The following MICOS10 variants were observed in gnomAD, a reference collection of about 807,000 sequenced individuals.
MICOS10 encodes the protein mitochondrial contact site and cristae organizing system subunit 10.
In MICOS10, 5 loss-of-function variants were observed where a neutral mutation model predicts 13.4. The ratio of observed to expected loss-of-function variants is 0.37; its 90% CI spans 0.20 to 0.78. The LOEUF is 0.78. Among genes scored for constraint, MICOS10 ranks in the 30% least tolerant of loss-of-function variants. The pLI is 0.47. For missense variants in MICOS10, 101 were observed against 94.6 expected, an observed-to-expected ratio of 1.07 and a Z score of -0.28; for synonymous variants, 35 against 33.6, an observed-to-expected ratio of 1.04 and a Z score of -0.15.
chr1:19,617,917 A>G (rs1221854202), intron 1 of MICOS10, among the ~76,000 whole-genome samples: 1 of 151,802 alleles, frequency 6.6e-6, no homozygotes, highest in Non-Finnish European at 1.5e-5. Context: ...ATATATATAT[A>G]TGTATATATA....
In MICOS10 at chr1:19,626,454, C is replaced by T. The variant is rs1481724415; in HGVS notation, c.*53C>T. On this transcript the variant is annotated 3_prime_UTR_variant, in exon 4 of 4. Coordinates refer to ENST00000322753, the MANE Select transcript of MICOS10 (RefSeq NM_001032363.4). ...GACAAGAGAAATCATGTTTATTCCT[C>T]AGGAATACTGAAGTGCCCTGGAGTA... 6.3e-7 allele frequency: 1 copy of T among 1,595,488 alleles called. No individual in the cohort carries two copies. The highest frequency in any genetic ancestry group is 1.1e-5 in the South Asian group (1 of 90,422).
chr1:19,610,692 C>T lies in MICOS10; in HGVS notation c.65-11408C>T, dbSNP rs561731221. Among the ~76,000 whole-genome samples, 121 of 152,064 alleles carry T rather than the reference C, an allele frequency of 8.0e-4. 1 individual carries two copies. The highest frequency in any genetic ancestry group is 3.4e-4 in the Non-Finnish European group (23 of 68,002). On this transcript the variant is annotated intron_variant, in intron 1 of 3. Transcript: ENST00000322753. ...TATTGTAACACTCTGACATAATTGT[C>T]GACAGATTTGTAGACTTACCTTACT...
intron 1 of MICOS10, among the ~76,000 whole-genome samples, chr1:19,600,482 T>C (rs1168912095): frequency 1.3e-5 from 2 of 152,206 alleles, no homozygotes; most frequent in South Asian, 4.1e-4. Context: ...TATTTCAAAA[T>C]GGAGATGGAG....
At chr1:19,624,403 C>T (rs961018832) in intron 3 of MICOS10, among the ~76,000 whole-genome samples, 3 of 152,084 alleles carry the variant, frequency 2.0e-5, no homozygotes, top group Non-Finnish European at 4.4e-5. Flanking sequence ...TCTTCTGCCT[C>T]AGCCTCCCGA....
chr1:19,618,236 G>T (rs2094891405), intron 1 of MICOS10, among the ~76,000 whole-genome samples: 1 of 151,418 alleles, frequency 6.6e-6, no homozygotes, highest in South Asian at 2.1e-4. Context: ...CTCCTGAGTA[G>T]CTGGGAGCAC....
intron 1 of MICOS10, among the ~76,000 whole-genome samples, chr1:19,597,574 C>T (rs1445288666): frequency 1.3e-5 from 2 of 152,168 alleles, no homozygotes; most frequent in Non-Finnish European, 2.9e-5. Flanking sequence ...GGCCCTGATG[C>T]GAGTTGCTGT....
At chr1:19,618,771 A>G (rs2100314337) in intron 1 of MICOS10, among the ~76,000 whole-genome samples, 1 of 152,346 alleles carries the variant, frequency 6.6e-6, no homozygotes, top group East Asian at 1.9e-4. Context: ...GTAAGAATGA[A>G]GAAGTTGTCT....
chr1:19,598,739 C>T (rs1389688157), intron 1 of MICOS10, among the ~76,000 whole-genome samples: 1 of 151,950 alleles, frequency 6.6e-6, no homozygotes, highest in Non-Finnish European at 1.5e-5. Context: ...GTCTCTTTCT[C>T]AACTACGAAA....
rs534774571 is a variant in MICOS10 at position 19,605,569 on chromosome 1, T to G, written c.64+8460T>G. ...TAGTGTTTTCAGTATTCATCCATGC[T>G]GTTGCATTTATCTGTTCATCATTCT... On this transcript the variant is annotated intron_variant, in intron 1 of 3. Coordinates refer to ENST00000322753, the MANE Select transcript of MICOS10 (RefSeq NM_001032363.4). 5.2e-5 allele frequency among the ~76,000 whole-genome samples: 8 copies of G among 152,384 alleles called. No individual in the cohort carries two copies. In the South Asian group the frequency reaches 1.7e-3, roughly 32 times the overall value.
At chr1:19,625,504 A>T (rs1370913550) in intron 3 of MICOS10, 1 of 1,289,440 alleles carries the variant, frequency 7.8e-7, no homozygotes, top group African/African-American at 1.5e-5. Context: ...GGGACCATGC[A>T]AGAAGAGGCG....
intron 2 of MICOS10, among the ~76,000 whole-genome samples, chr1:19,622,985 G>A (rs1012364218): frequency 3.4e-5 from 5 of 145,980 alleles, no homozygotes; most frequent in Admixed American, 6.9e-5. Flanking sequence ...GCAGTGGTGC[G>A]ATCTCAGCTC....
Position 19,626,422 on chromosome 1 carries a change from G to A in MICOS10, c.*21G>A, listed in dbSNP as rs1178469572. The A allele has an allele frequency of 1.9e-6, 3 of 1,613,830 alleles. No homozygotes were observed. The South Asian group carries it at 3.3e-5, about 18-fold the overall frequency. On this transcript the variant is annotated 3_prime_UTR_variant, in exon 4 of 4. Coordinates refer to ENST00000322753, the MANE Select transcript of MICOS10 (RefSeq NM_001032363.4). ...AGTGACTTCACCTGAGAACATCCCA[G>A]CGGGAGGACAAGAGAAATCATGTTT...
chr1:19,619,204 G>A (rs543710414), intron 1 of MICOS10, among the ~76,000 whole-genome samples: 3 of 152,274 alleles, frequency 2.0e-5, no homozygotes, highest in South Asian at 4.1e-4. Context: ...GAAGTTGGTC[G>A]TACAGGAGCA....
chr1:19,601,181 C>A (rs2094813309), intron 1 of MICOS10: 2 of 373,104 alleles, frequency 5.4e-6, no homozygotes, highest in African/African-American at 2.1e-5. Context: ...ATCTTTTCAC[C>A]CTGAGGCTTG....
At chr1:19,617,213 C>CTTTG (rs2094887421) in intron 1 of MICOS10, 2 of 918,222 alleles carry the variant, frequency 2.2e-6, no homozygotes, top group Non-Finnish European at 2.6e-6. Flanking sequence ...CCTTTCATAC[C>CTTTG]TTTGTTTCTT....
chr1:19,601,345 A>G (rs1405895899), intron 1 of MICOS10: 1 of 218,042 alleles, frequency 4.6e-6, no homozygotes, highest in Non-Finnish European at 9.5e-6. Context: ...TTGGGAGTCT[A>G]AGGTGGGAGG....
intron 1 of MICOS10, among the ~76,000 whole-genome samples, chr1:19,599,124 C>T (rs771696623): frequency 2.0e-5 from 3 of 151,622 alleles, no homozygotes; most frequent in East Asian, 3.9e-4. Flanking sequence ...GGTGGGATCT[C>T]GGCTCACTGC....
intron 2 of MICOS10, 135 bp downstream of exon 2, chr1:19,622,282 A>G (rs1403785880): frequency 1.7e-6 from 1 of 577,088 alleles, no homozygotes; most frequent in Non-Finnish European, 3.0e-6. Flanking sequence ...TAGGTAGCCC[A>G]TTATAAAATG....
At chr1:19,620,214 A>G (rs979693714) in intron 1 of MICOS10, among the ~76,000 whole-genome samples, 3 of 152,224 alleles carry the variant, frequency 2.0e-5, no homozygotes, top group Admixed American at 6.5e-5. Context: ...CAAACCTTTC[A>G]TGTTTTATTG....
Sources: allele counts gnomAD v4.1 joint callset (sites outside exome capture counted in the v4.1 genomes callset), GRCh38; gene constraint gnomAD v4.1.1; transcripts MANE v1.5; gene names NCBI Gene and HGNC (gene_info 2026-07-23, HGNC 2026-07-21).